The following ENTPD3 variants were observed in gnomAD, a reference collection of about 807,000 sequenced individuals.
ENTPD3 encodes CD39 antigen-like 3.
ENTPD3 carries 60 observed loss-of-function variants against 51.2 expected under a neutral mutation model. That is an observed-to-expected ratio of 1.17 (90% confidence interval 0.95 to 1.45). The LOEUF (loss-of-function observed/expected upper bound fraction) is 1.45. ENTPD3 is among the 40% of genes most tolerant of loss of function. The pLI is 0.00. For missense variants in ENTPD3, 593 were observed against 641.1 expected, an observed-to-expected ratio of 0.93 and a Z score of 0.81; for synonymous variants, 221 against 238.4, an observed-to-expected ratio of 0.93 and a Z score of 0.67.
intron 10 of ENTPD3, 44 bp downstream of exon 10, chr3:40,424,007 G>A (rs1955936316): frequency 6.2e-7 from 1 of 1,613,186 alleles, no homozygotes; most frequent in African/African-American, 1.3e-5. Context: ...TCCCAACAGA[G>A]AGGTTTGTAT....
chr3:40,396,852 A>G (rs749116092), intron 3 of ENTPD3, among the ~76,000 whole-genome samples: 7 of 152,164 alleles, frequency 4.6e-5, no homozygotes, highest in Non-Finnish European at 1.0e-4. Context: ...TGGGTTCTGC[A>G]CAGTCTAAAG....
chr3:40,427,618 A>C lies in ENTPD3; in HGVS notation c.*110A>C. On this transcript the variant is annotated 3_prime_UTR_variant, in exon 11 of 11. Coordinates refer to ENST00000301825, the MANE Select transcript of ENTPD3 (RefSeq NM_001248.4). ...CAGGAAATACAACTAACTAAAATCAAACACCTAGGTCACGTGCCTCTCAAA... is the reference window on the plus strand; with the variant it reads ...CAGGAAATACAACTAACTAAAATCACACACCTAGGTCACGTGCCTCTCAAA... 2 of 782,448 alleles carry C rather than the reference A, an allele frequency of 2.6e-6. No individual in the cohort carries two copies. Among genetic ancestry groups the C allele is most frequent in the Non-Finnish European group, 4.4e-6 (2 of 457,630 alleles). The allele number at this position is 782,448 out of a possible 1,614,324, so 48.5% of individuals were successfully genotyped here.
In ENTPD3 at chr3:40,387,848, C is replaced by CA. The variant is rs1239555020; in HGVS notation, c.-12-197dup. On this transcript the variant is annotated intron_variant, in intron 1 of 10. Coordinates refer to ENST00000301825, the MANE Select transcript of ENTPD3 (RefSeq NM_001248.4). ...AGCAAATCCATTTTTCATTTCCTTTCATTTGGGGAGATGACATGAAATTTA... is the reference window on the plus strand; with the variant it reads ...AGCAAATCCATTTTTCATTTCCTTTCAATTTGGGGAGATGACATGAAATTTA... 5.4e-6 allele frequency: 3 copies of CA among 554,308 alleles called. No individual in the cohort carries two copies. In the African/African-American group the frequency reaches 5.7e-5, roughly 10 times the overall value. 34.3% of individuals were successfully genotyped at this position (554,308 alleles called of 1,614,324 possible).
chr3:40,415,713 A>T, intron 6 of ENTPD3, 127 bp from the exon 7 acceptor site: 2 of 667,810 alleles, frequency 3.0e-6, no homozygotes, highest in South Asian at 3.8e-5. Context: ...AAAAGGAAAG[A>T]ATTGGCCTCA....
intron 4 of ENTPD3, among the ~76,000 whole-genome samples, chr3:40,406,306 G>A (rs1955495730): frequency 6.6e-6 from 1 of 152,180 alleles, no homozygotes; most frequent in African/African-American, 2.4e-5. Context: ...GAAAAGCCAA[G>A]GGGCCAGTGT....
intron 10 of ENTPD3, among the ~76,000 whole-genome samples, chr3:40,425,847 G>A (rs1192004615): frequency 3.4e-5 from 5 of 145,108 alleles, no homozygotes; most frequent in East Asian, 2.1e-4. Context: ...GCAGTGAGCC[G>A]AGATCTCACC....
chr3:40,393,733 TA>T (rs1203436627), intron 3 of ENTPD3, among the ~76,000 whole-genome samples: 1 of 152,096 alleles, frequency 6.6e-6, no homozygotes, highest in Non-Finnish European at 1.5e-5. Context: ...AGCTGAGGCC[TA>T]AAAGAAGGTG....
At chr3:40,416,107 TCTC>T in intron 7 of ENTPD3, 34 bp downstream of exon 7, 1 of 1,536,244 alleles carries the variant, frequency 6.5e-7, no homozygotes, top group Non-Finnish European at 9.0e-7. Flanking sequence ...TGGCAGGTGT[TCTC>T]TTGAGGGTTT....
In ENTPD3 at chr3:40,423,118, T is replaced by C; in HGVS notation, c.1100T>C (p.Phe367Ser). 6.2e-7 allele frequency: 1 copy of C among 1,610,274 alleles called. No individual in the cohort carries two copies. Among genetic ancestry groups the C allele is most frequent in the East Asian group, 2.2e-5 (1 of 44,804 alleles). The change falls in exon 8 of 11, where the codon TTT becomes TCT. Residue 367 changes from phenylalanine to serine, a missense_variant. Coordinates refer to ENST00000301825, the MANE Select transcript of ENTPD3 (RefSeq NM_001248.4). The stretch of plus-strand genomic sequence containing the variant: ...TATCAGCCAAAGATTAAAGGGCCAT[T>C]TGTGGTAAGAGCAAAACCTTCTGAA... ...GVYQPKIKGP[F>S]VAFAGFYYTA...
intron 10 of ENTPD3, among the ~76,000 whole-genome samples, chr3:40,426,133 G>C (rs993320626): frequency 7.1e-6 from 1 of 141,310 alleles, no homozygotes; most frequent in African/African-American, 2.6e-5. Flanking sequence ...TTTTGAGACG[G>C]AGTCTCGCTC....
At chr3:40,405,900 T>C (rs1396218498) in intron 4 of ENTPD3, among the ~76,000 whole-genome samples, 1 of 152,178 alleles carries the variant, frequency 6.6e-6, no homozygotes, top group Non-Finnish European at 1.5e-5. Flanking sequence ...GAAAGTCTCA[T>C]TGATTGATTG....
chr3:40,427,530 G>A lies in ENTPD3; in HGVS notation c.*22G>A, dbSNP rs761643212. On this transcript the variant is annotated 3_prime_UTR_variant, in exon 11 of 11. Coordinates refer to ENST00000301825, the MANE Select transcript of ENTPD3 (RefSeq NM_001248.4). ...CTGAGCCTTCAAAGCAGCTCCTGGA[G>A]TCCAATGGCTGCTTAGAGTCAGCCT... 1.3e-6 allele frequency: 2 copies of A among 1,579,556 alleles called. No homozygotes were observed. The highest frequency in any genetic ancestry group is 2.2e-5 in the South Asian group (2 of 90,292).
At chr3:40,405,315 G>A (rs1276117806) in intron 4 of ENTPD3, among the ~76,000 whole-genome samples, 7 of 151,924 alleles carry the variant, frequency 4.6e-5, no homozygotes, top group Non-Finnish European at 1.0e-4. Context: ...GACCAGCCTG[G>A]CCAACATGAT....
intron 7 of ENTPD3, among the ~76,000 whole-genome samples, chr3:40,422,158 A>ACC (rs1955888179): frequency 1.4e-5 from 2 of 140,252 alleles, no homozygotes; most frequent in South Asian, 4.5e-4. Flanking sequence ...ACACACACAC[A>ACC]CCCTTTTCCC....
At chr3:40,414,553 A>G in intron 5 of ENTPD3, 128 bp from the exon 6 acceptor site, 1 of 1,025,242 alleles carries the variant, frequency 9.8e-7, no homozygotes, top group East Asian at 2.6e-5. Flanking sequence ...TACAGCACAC[A>G]TCTGGAAAAT....
intron 2 of ENTPD3, among the ~76,000 whole-genome samples, chr3:40,390,362 G>A (rs1446748264): frequency 6.6e-6 from 1 of 152,010 alleles, no homozygotes; most frequent in African/African-American, 2.4e-5. Context: ...ATGTACAGTT[G>A]ATTTTTTTCA....
At chr3:40,402,854 G>T (rs1955399488) in intron 4 of ENTPD3, among the ~76,000 whole-genome samples, 1 of 152,150 alleles carries the variant, frequency 6.6e-6, no homozygotes, top group Non-Finnish European at 1.5e-5. Flanking sequence ...TTACAATTAA[G>T]TAATTAGTCC....
intron 7 of ENTPD3, among the ~76,000 whole-genome samples, chr3:40,422,349 G>T (rs1955894737): frequency 6.9e-6 from 1 of 144,940 alleles, no homozygotes; most frequent in African/African-American, 2.5e-5. Context: ...TTTACTTAGA[G>T]ATTTTATTAT....
chr3:40,399,638 A>C (rs1208829953), intron 3 of ENTPD3: 1 of 152,210 alleles, frequency 6.6e-6, no homozygotes, highest in Non-Finnish European at 1.5e-5. Flanking sequence ...TCTGAGCACA[A>C]ACAGATACGG....
Sources: allele counts gnomAD v4.1 joint callset (sites outside exome capture counted in the v4.1 genomes callset), GRCh38; gene constraint gnomAD v4.1.1; transcripts MANE v1.5; gene names NCBI Gene and HGNC (gene_info 2026-07-23, HGNC 2026-07-21).